COL25A1: variants seen among roughly 807,000 people sequenced by gnomAD.
COL25A1 encodes the protein collagen alpha-1(XXV) chain.
COL25A1 carries 103 observed loss-of-function variants against 128.4 expected under a neutral mutation model. The ratio of observed to expected loss-of-function variants is 0.80; its 90% CI spans 0.68 to 0.94. COL25A1 has a LOEUF of 0.94. COL25A1 is among the 40% of genes least tolerant of loss of function. The pLI is 0.00. For missense variants in COL25A1, 745 were observed against 840.0 expected, an observed-to-expected ratio of 0.89 and a Z score of 1.40; for synonymous variants, 279 against 277.2, an observed-to-expected ratio of 1.01 and a Z score of -0.06.
At position 109,137,984 on chromosome 4, in the gene COL25A1, A is replaced by ATATGTG. The variant is rs547874075; in HGVS notation, c.368-87806_368-87805insCACATA. Among the ~76,000 whole-genome samples, 103 of 142,588 alleles carry ATATGTG rather than the reference A, an allele frequency of 7.2e-4. No homozygotes were observed. The Middle Eastern group carries it at 0.011, about 15-fold the overall frequency. 93.5% of individuals were successfully genotyped at this position (142,588 alleles called of 152,430 possible). A position where few individuals can be genotyped will look rare whatever the true frequency, so the allele number is the denominator to read the frequency against. On this transcript the variant is annotated intron_variant, in intron 3 of 37. Coordinates refer to ENST00000399132, the MANE Select transcript of COL25A1 (RefSeq NM_198721.4). ...AACAGAAATTTCATTTTATATATAT[A>ATATGTG]TGTGTGTGTGTGTGTGTGTGTGTGT...
intron 5 of COL25A1, among the ~76,000 whole-genome samples, chr4:109,030,877 C>A (rs773070769): frequency 6.6e-6 from 1 of 152,008 alleles, no homozygotes; most frequent in Non-Finnish European, 1.5e-5. Context: ...CTCAGCCTCC[C>A]GAGTAGCTGG....
intron 20 of COL25A1, among the ~76,000 whole-genome samples, chr4:108,866,182 C>A (rs531523756): frequency 3.9e-4 from 58 of 147,850 alleles, no homozygotes; most frequent in South Asian, 1.3e-3. Flanking sequence ...TGACTATAGT[C>A]CCATTTCTTT....
At chr4:109,023,012 A>G (rs994984791) in intron 5 of COL25A1, among the ~76,000 whole-genome samples, 8 of 152,216 alleles carry the variant, frequency 5.3e-5, no homozygotes, top group African/African-American at 1.9e-4. Flanking sequence ...CACCATAACG[A>G]AAAAGCCTGG....
chr4:109,229,830 C>T (rs1248483987), intron 3 of COL25A1, among the ~76,000 whole-genome samples: 1 of 152,024 alleles, frequency 6.6e-6, no homozygotes, highest in African/African-American at 2.4e-5. Context: ...TCTTGCATTG[C>T]TATAAAGAAA....
rs752985697 is a variant in COL25A1, at chr4:108,907,688, A to G, written c.781-6516T>C. Among the ~76,000 whole-genome samples the G allele has an allele frequency of 1.2e-4, 19 of 152,240 alleles. 1 individual carries two copies. Among genetic ancestry groups the G allele is most frequent in the Admixed American group, 3.3e-4 (5 of 15,286 alleles). ...AGAGGTAGATGTGAGATTAAAACCC[A>G]GGTCTTCTGATTCCTCATCTTGTGT... On this transcript the variant is annotated intron_variant, in intron 13 of 37. Coordinates refer to ENST00000399132, the MANE Select transcript of COL25A1 (RefSeq NM_198721.4).
intron 8 of COL25A1, among the ~76,000 whole-genome samples, chr4:108,959,296 T>C (rs1419267717): frequency 6.6e-6 from 1 of 152,086 alleles, no homozygotes; most frequent in Non-Finnish European, 1.5e-5. Flanking sequence ...AAGATTTATA[T>C]GAAATTGCCC....
At chr4:109,093,043 C>G (rs1202476670) in intron 3 of COL25A1, among the ~76,000 whole-genome samples, 1 of 150,896 alleles carries the variant, frequency 6.6e-6, no homozygotes, top group Non-Finnish European at 1.5e-5. Context: ...TTTTTTTATC[C>G]TCACTGGGAA....
intron 3 of COL25A1, among the ~76,000 whole-genome samples, chr4:109,189,212 A>C (rs547801815): frequency 2.0e-5 from 3 of 152,228 alleles, no homozygotes; most frequent in African/African-American, 7.2e-5. Context: ...ATATATTCCC[A>C]CAAATAAGAT....
Position 108,913,261 on chromosome 4 carries a change from C to CTTTTTT in COL25A1, c.780+4905_780+4910dup, listed in dbSNP as rs201929872. Among the ~76,000 whole-genome samples, 17 of 92,416 alleles carry CTTTTTT rather than the reference C, an allele frequency of 1.8e-4. 1 individual carries two copies. The highest frequency in any genetic ancestry group is 4.6e-4 in the African/African-American group (13 of 28,566). The allele number at this position is 92,416 out of a possible 152,430, so 60.6% of individuals were successfully genotyped here. The stretch of plus-strand genomic sequence containing the variant: ...TTTGTGTGGTCTCTGTCTCTAGCTC[C>CTTTTTT]TTTTTTTTTTTTTTTTTTTTTTAAG... On this transcript the variant is annotated intron_variant, in intron 13 of 37. Coordinates refer to ENST00000399132, the MANE Select transcript of COL25A1 (RefSeq NM_198721.4).
chr4:109,191,629 C>T (rs1031294704), intron 3 of COL25A1, among the ~76,000 whole-genome samples: 4 of 152,066 alleles, frequency 2.6e-5, no homozygotes, highest in East Asian at 1.9e-4. Flanking sequence ...TTTATTGCCC[C>T]GAAAATAGTG....
At position 108,906,216 on chromosome 4, in the gene COL25A1, C is replaced by G. The variant is rs560055528; in HGVS notation, c.781-5044G>C. ...TCCTCTGACCTCCCTTCTGCTGCCC[C>G]CTCACATACTCCAGCCACACTGAAC... On this transcript the variant is annotated intron_variant, in intron 13 of 37. Transcript: ENST00000399132. 1.6e-4 allele frequency among the ~76,000 whole-genome samples: 24 copies of G among 152,278 alleles called. No homozygotes were observed. The South Asian group carries it at 3.9e-3, about 25-fold the overall frequency.
At chr4:109,106,754 C>T (rs1766470984) in intron 3 of COL25A1, among the ~76,000 whole-genome samples, 1 of 138,542 alleles carries the variant, frequency 7.2e-6, no homozygotes, top group South Asian at 2.4e-4. Flanking sequence ...TCCCAATATC[C>T]ATTTTAAAAA....
intron 10 of COL25A1, among the ~76,000 whole-genome samples, chr4:108,938,524 G>A (rs1747698580): frequency 6.6e-6 from 1 of 152,140 alleles, no homozygotes; most frequent in Non-Finnish European, 1.5e-5. Context: ...GCTATGATGT[G>A]CTATGACGGC....
chr4:109,263,386 A>C (rs1781575940), intron 3 of COL25A1, among the ~76,000 whole-genome samples: 1 of 152,158 alleles, frequency 6.6e-6, no homozygotes, highest in African/African-American at 2.4e-5. Flanking sequence ...AAAATAATTA[A>C]AATATTAGAA....
At chr4:109,019,375 C>CACACATATATATATATATATAT (rs1338511772) in intron 5 of COL25A1, among the ~76,000 whole-genome samples, 4 of 48,872 alleles carry the variant, frequency 8.2e-5, no homozygotes, top group Admixed American at 2.3e-4. Flanking sequence ...CACACACACA[C>CACACATATATATATATATATAT]ATATATATAT....
chr4:109,158,895 C>A (rs1403111784), intron 3 of COL25A1, among the ~76,000 whole-genome samples: 1 of 152,168 alleles, frequency 6.6e-6, no homozygotes, highest in Admixed American at 6.5e-5. Context: ...AATGTTAACA[C>A]AAGAGTCTCT....
intron 19 of COL25A1, among the ~76,000 whole-genome samples, chr4:108,877,737 T>C (rs1478945651): frequency 6.6e-6 from 1 of 152,076 alleles, no homozygotes; most frequent in Non-Finnish European, 1.5e-5. Context: ...ACTGGTCTTC[T>C]ATTTTACAGA....
chr4:109,301,550 C>T (rs1002661367), intron 2 of COL25A1, among the ~76,000 whole-genome samples, 173 bp downstream of exon 2: 1 of 152,150 alleles, frequency 6.6e-6, no homozygotes, highest in Non-Finnish European at 1.5e-5. Flanking sequence ...AAGGGATGTG[C>T]ACATATAAAT....
intron 3 of COL25A1, among the ~76,000 whole-genome samples, chr4:109,218,355 G>GTTTTTTTT (rs1375312875): frequency 0.035 from 2,717 of 77,584 alleles, 107 homozygotes; most frequent in African/African-American, 0.15. Context: ...TGGTTTTTTG[G>GTTTTTTTT]GGTTTTTTTT....
Sources: allele counts gnomAD v4.1 joint callset (sites outside exome capture counted in the v4.1 genomes callset), GRCh38; gene constraint gnomAD v4.1.1; transcripts MANE v1.5; gene names NCBI Gene and HGNC (gene_info 2026-07-23, HGNC 2026-07-21).